Variants in TMEM123 observed in about 807,000 individuals in gnomAD.
TMEM123 encodes the protein porimin.
In TMEM123, 16 loss-of-function variants were observed where a neutral mutation model predicts 19.7. The observed-to-expected ratio is 0.81, with a 90% CI of 0.55 to 1.23. The LOEUF (loss-of-function observed/expected upper bound fraction) is 1.23. Among genes scored for constraint, TMEM123 ranks in the 50% most tolerant of loss-of-function variants. The probability of loss-of-function intolerance (pLI) is 0.00; values close to 1 mark genes in which losing one functional copy is unlikely to be tolerated. For synonymous variants in TMEM123, 118 were observed against 99.4 expected (o/e 1.19, Z -1.12); for missense variants, 313 against 257.8 (o/e 1.21, Z -1.47).
chr11:102,445,073 T>C (rs1370189785), intron 2 of TMEM123, among the ~76,000 whole-genome samples: 5 of 151,916 alleles, frequency 3.3e-5, no homozygotes, highest in Admixed American at 1.3e-4. Flanking sequence ...CTAATGTAAA[T>C]GATGCGTTAA....
Position 102,402,221 on chromosome 11 carries a change from A to G in TMEM123, c.158-15T>C, listed in dbSNP as rs1271776007. The G allele has an allele frequency of 1.9e-6, 3 of 1,608,972 alleles. No individual in the cohort carries two copies. The South Asian group carries it at 3.3e-5, about 18-fold the overall frequency. ...TTGGAGAGTCTCTGCAATAATATCAAGAAACATTAAAACCAGAGCTATGAT... is the reference window on the plus strand; with the variant it reads ...TTGGAGAGTCTCTGCAATAATATCAGGAAACATTAAAACCAGAGCTATGAT... On this transcript the variant is annotated splice_polypyrimidine_tract_variant and intron_variant, in intron 2 of 4. Transcript: ENST00000398136.
rs932430510 is a variant in TMEM123, at chr11:102,397,262, C to T, written c.*1605G>A. The stretch of plus-strand genomic sequence containing the variant: ...TGATCCATTTCAAAATTCTTAATAT[C>T]TAGCGTTCTCTGTAAAACAAAAGCT... On this transcript the variant is annotated 3_prime_UTR_variant, in exon 5 of 5. Coordinates refer to ENST00000398136, the MANE Select transcript of TMEM123 (RefSeq NM_052932.3). 2 of 152,138 alleles carry T rather than the reference C, an allele frequency of 1.3e-5. No homozygotes were observed. 9.4% of individuals were successfully genotyped at this position (152,138 alleles called of 1,614,324 possible). A position where few individuals can be genotyped will look rare whatever the true frequency, so the allele number is the denominator to read the frequency against.
chr11:102,408,943 A>G (rs1328565692), intron 2 of TMEM123, among the ~76,000 whole-genome samples: 1 of 152,228 alleles, frequency 6.6e-6, no homozygotes, highest in Non-Finnish European at 1.5e-5. Flanking sequence ...TACTCCTCAA[A>G]GTCTGGATTC....
intron 2 of TMEM123, among the ~76,000 whole-genome samples, chr11:102,424,563 C>A (rs558554900): frequency 6.6e-6 from 1 of 152,122 alleles, no homozygotes; most frequent in Non-Finnish European, 1.5e-5. Context: ...GTGGCGCACA[C>A]CTGTAGTCCC....
intron 2 of TMEM123, among the ~76,000 whole-genome samples, chr11:102,417,474 C>T (rs539180078): frequency 2.6e-4 from 39 of 152,148 alleles, no homozygotes; most frequent in African/African-American, 8.4e-4. Flanking sequence ...ATCTCTACAA[C>T]GAGAATTATG....
At chr11:102,413,474 C>T (rs981374271) in intron 2 of TMEM123, among the ~76,000 whole-genome samples, 3 of 152,158 alleles carry the variant, frequency 2.0e-5, no homozygotes, top group Non-Finnish European at 4.4e-5. Context: ...TTTGCTGGCA[C>T]CCCCACATTG....
intron 2 of TMEM123, among the ~76,000 whole-genome samples, chr11:102,425,059 G>A (rs924635329): frequency 6.6e-6 from 1 of 152,216 alleles, no homozygotes; most frequent in Non-Finnish European, 1.5e-5. Context: ...CTATTCTCAA[G>A]ATGATAGCAT....
At chr11:102,406,150 G>T (rs868628002) in intron 2 of TMEM123, among the ~76,000 whole-genome samples, 1,711 of 152,310 alleles carry the variant, frequency 0.011, 33 homozygotes, top group African/African-American at 0.039. Context: ...TGCAAGGGGT[G>T]AAGCTTTATC....
intron 2 of TMEM123, among the ~76,000 whole-genome samples, chr11:102,419,739 G>A (rs948193099): frequency 6.6e-6 from 1 of 152,154 alleles, no homozygotes; most frequent in Non-Finnish European, 1.5e-5. Flanking sequence ...TTTCTATTTA[G>A]GAACACAAAT....
chr11:102,450,159 T>C (rs1857923729), intron 1 of TMEM123, among the ~76,000 whole-genome samples: 2 of 152,210 alleles, frequency 1.3e-5, no homozygotes, highest in Admixed American at 1.3e-4. Context: ...CCACTCACCA[T>C]CATCTTTTGG....
At position 102,402,199 on chromosome 11, in the gene TMEM123, G is replaced by C. The variant is rs755852139; in HGVS notation, c.165C>G (p.Leu55=). The change falls in exon 3 of 5, where the codon CTC becomes CTG. Residue 55 remains leucine (L), a synonymous_variant. Transcript: ENST00000398136. ...HNSSANSTET[L]QHVPSDHTNE... is the part of the protein sequence containing the mutation. ...TTGTATGGTCAGAAGGCACATGTTG[G>C]AGAGTCTCTGCAATAATATCAAGAA... The C allele has an allele frequency of 1.2e-6, 2 of 1,613,364 alleles. No individual in the cohort carries two copies. Among genetic ancestry groups the C allele is most frequent in the Non-Finnish European group, 1.7e-6 (2 of 1,179,586 alleles).
rs1196625855 is a variant in TMEM123, at chr11:102,452,723, T to C, written c.-100A>G. 8.6e-6 allele frequency: 8 copies of C among 926,034 alleles called. No individual in the cohort carries two copies. The African/African-American group carries it at 1.4e-4, about 16-fold the overall frequency. The allele number at this position is 926,034 out of a possible 1,614,324, so 57.4% of individuals were successfully genotyped here. A position where few individuals can be genotyped will look rare whatever the true frequency, so the allele number is the denominator to read the frequency against. On this transcript the variant is annotated 5_prime_UTR_variant, in exon 1 of 5. Transcript: ENST00000398136. Reference sequence around the variant, plus strand: ...CAGCCGGCGCCGGCTCCGCTTCCCCTTCGGCCGCGCACGTTTCCCCTCCCG... The same window carrying C: ...CAGCCGGCGCCGGCTCCGCTTCCCCCTCGGCCGCGCACGTTTCCCCTCCCG...
At chr11:102,422,027 C>G (rs1249701819) in intron 2 of TMEM123, among the ~76,000 whole-genome samples, 1 of 152,140 alleles carries the variant, frequency 6.6e-6, no homozygotes, top group African/African-American at 2.4e-5. Context: ...TTTAGTGTTT[C>G]TTAACAAAAA....
chr11:102,444,382 C>A (rs1459506881), intron 2 of TMEM123, among the ~76,000 whole-genome samples: 1 of 152,082 alleles, frequency 6.6e-6, no homozygotes, highest in Non-Finnish European at 1.5e-5. Context: ...AGGATGAGTT[C>A]ATGTCCTTTG....
chr11:102,405,737 A>AC (rs1951950215), intron 2 of TMEM123, among the ~76,000 whole-genome samples: 1 of 152,196 alleles, frequency 6.6e-6, no homozygotes, highest in Admixed American at 6.5e-5. Context: ...AAGATACTGT[A>AC]CAAAGTCACA....
chr11:102,427,394 G>GA (rs1952137905), intron 2 of TMEM123, among the ~76,000 whole-genome samples: 2 of 151,154 alleles, frequency 1.3e-5, no homozygotes, highest in South Asian at 4.2e-4. Context: ...GGAGAAGGCA[G>GA]AAGTGGAAGA....
chr11:102,401,758 G>A, intron 3 of TMEM123, 66 bp from the exon 4 acceptor site: 6 of 1,506,284 alleles, frequency 4.0e-6, no homozygotes, highest in Non-Finnish European at 2.7e-6. Context: ...TGTAATTAAA[G>A]CTCTCTGATT....
chr11:102,398,611 A>G lies in TMEM123; in HGVS notation c.*256T>C. On this transcript the variant is annotated 3_prime_UTR_variant, in exon 5 of 5. Transcript: ENST00000398136. Reference sequence around the variant, plus strand: ...CCACCCCAGCCAAAAAAAAAAAGATAGGACTTGTTTGTCTTACTATGAACT... The same window carrying G: ...CCACCCCAGCCAAAAAAAAAAAGATGGGACTTGTTTGTCTTACTATGAACT... 2.0e-6 allele frequency: 1 copy of G among 498,274 alleles called. No individual in the cohort carries two copies. The allele number at this position is 498,274 out of a possible 1,614,324, so 30.9% of individuals were successfully genotyped here.
At chr11:102,444,355 C>T (rs1322848346) in intron 2 of TMEM123, among the ~76,000 whole-genome samples, 1 of 152,104 alleles carries the variant, frequency 6.6e-6, no homozygotes, top group East Asian at 1.9e-4. Flanking sequence ...TCATGGAATA[C>T]TATGCAGCCA....
Sources: allele counts gnomAD v4.1 joint callset (sites outside exome capture counted in the v4.1 genomes callset), GRCh38; gene constraint gnomAD v4.1.1; transcripts MANE v1.5; gene names NCBI Gene and HGNC (gene_info 2026-07-23, HGNC 2026-07-21).